SLC24A4: variants seen among roughly 807,000 people sequenced by gnomAD.
SLC24A4 encodes solute carrier family 24 member 4.
In SLC24A4, 53 loss-of-function variants were observed where a neutral mutation model predicts 79.0. The ratio of observed to expected loss-of-function variants is 0.67; its 90% CI spans 0.54 to 0.84. The LOEUF is 0.84. Ranked by LOEUF, SLC24A4 falls within the 40% of genes least tolerant of loss-of-function variation. The pLI is 0.00. For missense variants in SLC24A4, 731 were observed against 822.0 expected, an observed-to-expected ratio of 0.89 and a Z score of 1.35; for synonymous variants, 323 against 323.8, an observed-to-expected ratio of 1.00 and a Z score of 0.03.
At chr14:92,450,161 A>G (rs984076156) in intron 10 of SLC24A4, 3 of 152,288 alleles carry the variant, frequency 2.0e-5, no homozygotes, top group Admixed American at 6.5e-5. Context: ...CGCTTTCTCC[A>G]TGGCCTGGGG....
chr14:92,453,544 T>G, intron 10 of SLC24A4: 1 of 183,234 alleles, frequency 5.5e-6, no homozygotes, highest in Non-Finnish European at 1.1e-5. Flanking sequence ...TAGGCCCCCG[T>G]GTGTATTGTA....
At chr14:92,328,442 G>A (rs867754999) in intron 2 of SLC24A4, among the ~76,000 whole-genome samples, 3 of 152,260 alleles carry the variant, frequency 2.0e-5, no homozygotes, top group African/African-American at 7.2e-5. Context: ...CACAGAGGAG[G>A]ATGCGCTGGC....
At chr14:92,476,707 A>C (rs998572101) in intron 12 of SLC24A4, among the ~76,000 whole-genome samples, 2 of 152,162 alleles carry the variant, frequency 1.3e-5, no homozygotes, top group African/African-American at 4.8e-5. Flanking sequence ...ATGACTGCCC[A>C]TTCCTCTTCT....
At chr14:92,469,370 G>A (rs12897713) in intron 12 of SLC24A4, among the ~76,000 whole-genome samples, 102,220 of 151,670 alleles carry the variant, frequency 0.67, 35,553 homozygotes, top group Non-Finnish European at 0.76. Flanking sequence ...TTAGCCAGGT[G>A]TGGTGGTGGG....
At chr14:92,468,583 G>C (rs918937787) in intron 12 of SLC24A4, among the ~76,000 whole-genome samples, 5 of 152,148 alleles carry the variant, frequency 3.3e-5, no homozygotes, top group African/African-American at 1.2e-4. Context: ...AATACAATTG[G>C]AAGTCCTGAA....
chr14:92,449,309 C>T, intron 10 of SLC24A4, 93 bp downstream of exon 10: 1 of 1,313,174 alleles, frequency 7.6e-7, no homozygotes, highest in Non-Finnish European at 1.1e-6. Context: ...CACACACACA[C>T]ACACACACAC....
intron 2 of SLC24A4, among the ~76,000 whole-genome samples, chr14:92,338,392 T>C (rs1885938038): frequency 6.6e-6 from 1 of 152,250 alleles, no homozygotes; most frequent in South Asian, 2.1e-4. Context: ...TGAAGACATC[T>C]CACCTTTGTG....
At chr14:92,454,545 T>C (rs977674722) in intron 11 of SLC24A4, among the ~76,000 whole-genome samples, 2 of 152,246 alleles carry the variant, frequency 1.3e-5, no homozygotes, top group Non-Finnish European at 2.9e-5. Context: ...TTTAATATTA[T>C]TTAATGTATA....
rs997619103 is a variant in SLC24A4, at chr14:92,441,527, A to G, written c.394-562A>G. ...CAGGCCAGAGGCCTCCAGATCCACAATGCTGACATTCTCATTGAGGCCCCC... is the reference window on the plus strand; with the variant it reads ...CAGGCCAGAGGCCTCCAGATCCACAGTGCTGACATTCTCATTGAGGCCCCC... On this transcript the variant is annotated intron_variant, in intron 4 of 16. Coordinates refer to ENST00000532405, the MANE Select transcript of SLC24A4 (RefSeq NM_153646.4). The surrounding 1 kb of genome is among the most constrained non-coding windows in gnomAD (Gnocchi z 4.6). 5.3e-5 allele frequency among the ~76,000 whole-genome samples: 8 copies of G among 152,222 alleles called. No individual in the cohort carries two copies. Among genetic ancestry groups the G allele is most frequent in the Non-Finnish European group, 7.3e-5 (5 of 68,028 alleles).
At chr14:92,403,263 C>T (rs983939178) in intron 2 of SLC24A4, among the ~76,000 whole-genome samples, 4 of 152,068 alleles carry the variant, frequency 2.6e-5, no homozygotes, top group African/African-American at 7.2e-5. Flanking sequence ...GGCCATGATA[C>T]AGTCATGCAT....
intron 12 of SLC24A4, among the ~76,000 whole-genome samples, chr14:92,481,177 G>C (rs1049585609): frequency 1.3e-5 from 2 of 152,178 alleles, no homozygotes; most frequent in Non-Finnish European, 2.9e-5. Flanking sequence ...CAGCAGTCTC[G>C]AGTCTTTCCT....
chr14:92,388,546 G>A (rs1248895033), intron 2 of SLC24A4, among the ~76,000 whole-genome samples: 1 of 152,202 alleles, frequency 6.6e-6, no homozygotes, highest in Non-Finnish European at 1.5e-5. Context: ...CCCACGGCCT[G>A]GTTCGCCTCT....
At chr14:92,476,072 G>A (rs952267855) in intron 12 of SLC24A4, among the ~76,000 whole-genome samples, 4 of 152,212 alleles carry the variant, frequency 2.6e-5, no homozygotes, top group Non-Finnish European at 5.9e-5. Flanking sequence ...AACACCTCAT[G>A]CAGTTTGGTG....
chr14:92,372,621 A>G (rs1888232507), intron 2 of SLC24A4, among the ~76,000 whole-genome samples: 1 of 152,164 alleles, frequency 6.6e-6, no homozygotes. Flanking sequence ...ACAGCATCAC[A>G]TAATCCAGGT....
At chr14:92,418,084 G>C (rs765518968) in intron 2 of SLC24A4, among the ~76,000 whole-genome samples, 1 of 152,198 alleles carries the variant, frequency 6.6e-6, no homozygotes, top group Non-Finnish European at 1.5e-5. Flanking sequence ...CAAATATAAT[G>C]AATGGACTCA....
intron 2 of SLC24A4, among the ~76,000 whole-genome samples, chr14:92,412,375 T>G (rs149282608): frequency 6.6e-6 from 1 of 152,288 alleles, no homozygotes; most frequent in Admixed American, 6.5e-5. Context: ...GGAAGGGCAG[T>G]TCCCCCCAGG....
chr14:92,483,965 G>T (rs1895217692), intron 13 of SLC24A4: 1 of 985,280 alleles, frequency 1.0e-6, no homozygotes, highest in Non-Finnish European at 1.2e-6. Context: ...GTGTCGTTTG[G>T]TGGGGAACAA....
At chr14:92,399,724 A>G (rs377126716) in intron 2 of SLC24A4, among the ~76,000 whole-genome samples, 8 of 152,206 alleles carry the variant, frequency 5.3e-5, no homozygotes, top group Non-Finnish European at 1.2e-4. Flanking sequence ...CATTGTCCCA[A>G]TGAGAGTTTT....
At chr14:92,478,605 T>C (rs906504805) in intron 12 of SLC24A4, among the ~76,000 whole-genome samples, 1 of 151,958 alleles carries the variant, frequency 6.6e-6, no homozygotes, top group African/African-American at 2.4e-5. Context: ...ACTGTAGCTT[T>C]GTCCTAAGTT....
Sources: gnomAD v4.1 joint callset for allele counts (sites outside exome capture counted in the v4.1 genomes callset) on GRCh38, gnomAD v4.1.1 for gene constraint, Gnocchi (gnomAD v3.1) non-coding constraint, MANE v1.5 for transcripts, NCBI Gene and HGNC (gene_info 2026-07-23, HGNC 2026-07-21) for gene names.